Variants in ROR1 observed in about 807,000 individuals in gnomAD.
ROR1 encodes the protein inactive tyrosine-protein kinase transmembrane receptor ROR1.
Under a neutral mutation model 78.8 loss-of-function variants are expected in ROR1, and 19 were observed. The ratio of observed to expected loss-of-function variants is 0.24; its 90% CI spans 0.17 to 0.35. The LOEUF (loss-of-function observed/expected upper bound fraction) is 0.35. Among genes scored for constraint, ROR1 ranks in the 10% least tolerant of loss-of-function variants. The pLI is 1.00. For synonymous variants in ROR1, 386 were observed against 433.6 expected, an observed-to-expected ratio of 0.89 and a Z score of 1.36; for missense variants, 917 against 1,177.8, an observed-to-expected ratio of 0.78 and a Z score of 3.24.
intron 1 of ROR1, among the ~76,000 whole-genome samples, chr1:63,849,191 G>A (rs532792096): frequency 1.8e-4 from 27 of 152,294 alleles, no homozygotes; most frequent in African/African-American, 5.8e-4. Flanking sequence ...ATGGGCCCAC[G>A]TTTAGAAGTG....
intron 1 of ROR1, among the ~76,000 whole-genome samples, chr1:63,849,086 A>G (rs1272287294): frequency 6.6e-6 from 1 of 152,214 alleles, no homozygotes; most frequent in African/African-American, 2.4e-5. Flanking sequence ...AGATAAAGAA[A>G]AAACATGGAA....
chr1:64,067,917 T>C (rs2100613931), intron 4 of ROR1, among the ~76,000 whole-genome samples: 1 of 152,182 alleles, frequency 6.6e-6, no homozygotes, highest in Non-Finnish European at 1.5e-5. Flanking sequence ...TTTCACTGTG[T>C]TAGCCAGGAT....
At chr1:63,950,135 A>G (rs1645923448) in intron 1 of ROR1, among the ~76,000 whole-genome samples, 1 of 152,184 alleles carries the variant, frequency 6.6e-6, no homozygotes, top group African/African-American at 2.4e-5. Flanking sequence ...GCCCCAATCC[A>G]GGCCCCATGA....
At chr1:63,898,805 A>C (rs1038172115) in intron 1 of ROR1, among the ~76,000 whole-genome samples, 2 of 151,794 alleles carry the variant, frequency 1.3e-5, no homozygotes, top group East Asian at 3.9e-4. Flanking sequence ...CCTGCCTAGG[A>C]GGTCAGGGAA....
intron 1 of ROR1, among the ~76,000 whole-genome samples, chr1:63,930,118 C>T (rs1026467171): frequency 6.6e-6 from 1 of 152,100 alleles, no homozygotes; most frequent in African/African-American, 2.4e-5. Flanking sequence ...CTCCTCTAGC[C>T]CCCCACCCGC....
chr1:63,851,393 G>A (rs542307000), intron 1 of ROR1, among the ~76,000 whole-genome samples: 1 of 152,090 alleles, frequency 6.6e-6, no homozygotes, highest in Non-Finnish European at 1.5e-5. Context: ...GTTGACCCTT[G>A]GTGCTTTAAA....
chr1:64,010,164 C>T (rs895079041), intron 2 of ROR1, among the ~76,000 whole-genome samples: 2 of 152,146 alleles, frequency 1.3e-5, no homozygotes, highest in African/African-American at 4.8e-5. Context: ...AATTACTTCT[C>T]CCTCAAGACC....
intron 1 of ROR1, among the ~76,000 whole-genome samples, chr1:63,907,446 AG>A (rs1195376089): frequency 4.6e-5 from 7 of 152,248 alleles, no homozygotes; most frequent in South Asian, 2.1e-4. Flanking sequence ...AGTGCTTGCC[AG>A]GCACATTACA....
chr1:63,895,945 C>T (rs531732338), intron 1 of ROR1, among the ~76,000 whole-genome samples: 43 of 152,200 alleles, frequency 2.8e-4, no homozygotes, highest in African/African-American at 9.9e-4. Flanking sequence ...TATGACCCCT[C>T]TAAGTTCTGG....
At chr1:64,008,381 T>G (rs1217425901) in intron 1 of ROR1, among the ~76,000 whole-genome samples, 6 of 152,246 alleles carry the variant, frequency 3.9e-5, no homozygotes, top group African/African-American at 1.4e-4. Flanking sequence ...GCACCTAGGT[T>G]GATTCCATGT....
chr1:63,942,740 A>G (rs893193202), intron 1 of ROR1, among the ~76,000 whole-genome samples: 2 of 152,160 alleles, frequency 1.3e-5, no homozygotes, highest in Non-Finnish European at 2.9e-5. Context: ...CAACGAAGCT[A>G]TATTCTACCT....
At chr1:64,030,806 T>A (rs1366548845) in intron 2 of ROR1, among the ~76,000 whole-genome samples, 1 of 152,210 alleles carries the variant, frequency 6.6e-6, no homozygotes, top group Non-Finnish European at 1.5e-5. Flanking sequence ...AAACTTATAT[T>A]TAGATTATTA....
chr1:63,901,394 C>T (rs972744174), intron 1 of ROR1, among the ~76,000 whole-genome samples: 1 of 152,202 alleles, frequency 6.6e-6, no homozygotes, highest in Non-Finnish European at 1.5e-5. Context: ...CCAGTTTACA[C>T]ACTTTCACTA....
Position 63,774,750 on chromosome 1 carries a change from G to T in ROR1, c.91+242G>T, listed in dbSNP as rs1178566670. ...CGCGCCCAGGGACTCGTTCCTCGGTGCGCAGCAGCGATTGTCAGCGCTGAC... is the reference window on the plus strand; with the variant it reads ...CGCGCCCAGGGACTCGTTCCTCGGTTCGCAGCAGCGATTGTCAGCGCTGAC... On this transcript the variant is annotated intron_variant, in intron 1 of 8. Coordinates refer to ENST00000371079, the MANE Select transcript of ROR1 (RefSeq NM_005012.4). This position sits in a 1 kb window ranked among gnomAD's most constrained non-coding sequence, Gnocchi z 5.7. Among the ~76,000 whole-genome samples, 2 of 151,860 alleles carry T rather than the reference G, an allele frequency of 1.3e-5. No homozygotes were observed. Among genetic ancestry groups the T allele is most frequent in the Non-Finnish European group, 2.9e-5 (2 of 67,916 alleles).
At chr1:63,839,536 T>A (rs1486482651) in intron 1 of ROR1, among the ~76,000 whole-genome samples, 1 of 152,074 alleles carries the variant, frequency 6.6e-6, no homozygotes, top group African/African-American at 2.4e-5. Flanking sequence ...CTTATTGCAA[T>A]TAAAAAAGGT....
intron 1 of ROR1, among the ~76,000 whole-genome samples, chr1:63,859,160 A>G (rs1645165495): frequency 6.6e-6 from 1 of 152,126 alleles, no homozygotes; most frequent in African/African-American, 2.4e-5. Flanking sequence ...GCAGGGTACA[A>G]CCAACACAGT....
intron 1 of ROR1, among the ~76,000 whole-genome samples, chr1:63,921,190 T>C (rs1645651582): frequency 6.6e-6 from 1 of 152,168 alleles, no homozygotes. Context: ...CCATGTTCTG[T>C]GTTGACGGTT....
chr1:63,841,601 C>T (rs1341420790), intron 1 of ROR1, among the ~76,000 whole-genome samples: 8 of 151,926 alleles, frequency 5.3e-5, no homozygotes, highest in Admixed American at 5.2e-4. Flanking sequence ...AAGTACATAC[C>T]CTGTATTTGA....
At position 63,868,132 on chromosome 1, in the gene ROR1, TG is replaced by T. The variant is rs1397977529; in HGVS notation, c.91+93625del. ...TTCAGAGAAATACTAGCGCAGTTTT[TG>T]TTGTTGTTGTTGTTGTTTTGTTTTT... On this transcript the variant is annotated intron_variant, in intron 1 of 8. Coordinates refer to ENST00000371079, the MANE Select transcript of ROR1 (RefSeq NM_005012.4). Among the ~76,000 whole-genome samples, 90 of 148,532 alleles carry T rather than the reference TG, an allele frequency of 6.1e-4. 1 individual carries two copies. The South Asian group carries it at 0.011, about 18-fold the overall frequency.
Sources: gnomAD v4.1 joint callset for allele counts (sites outside exome capture counted in the v4.1 genomes callset) on GRCh38, gnomAD v4.1.1 for gene constraint, Gnocchi (gnomAD v3.1) non-coding constraint, MANE v1.5 for transcripts, NCBI Gene and HGNC (gene_info 2026-07-23, HGNC 2026-07-21) for gene names.